GAS6: variants seen among roughly 807,000 people sequenced by gnomAD.
GAS6 encodes growth arrest-specific protein 6.
In GAS6, 41 loss-of-function variants were observed where a neutral mutation model predicts 75.8. The observed-to-expected ratio is 0.54, with a 90% CI of 0.42 to 0.70. The LOEUF (loss-of-function observed/expected upper bound fraction) is 0.70, where lower values mean the gene tolerates loss of function less well. GAS6 is among the 30% of genes least tolerant of loss of function. GAS6 has a pLI of 0.00. For synonymous variants in GAS6, 432 were observed against 412.6 expected (o/e 1.05, Z -0.57); for missense variants, 854 against 940.2 (o/e 0.91, Z 1.20).
In GAS6 at chr13:113,827,068, G is replaced by GCAT. The variant is rs2051559933; in HGVS notation, c.1402_1404dup (p.Met468dup). ...CCTCTCTCCGTCACCGAGAAGCACTGCATCCTCGTGTTCACTTTCACCGTT... is the reference window on the plus strand; with the variant it reads ...CCTCTCTCCGTCACCGAGAAGCACTGCATCATCCTCGTGTTCACTTTCACCGTT... On this transcript the variant is annotated inframe_insertion, in exon 12 of 15. Coordinates refer to ENST00000327773, the MANE Select transcript of GAS6 (RefSeq NM_000820.4). 6.2e-7 allele frequency: 1 copy of GCAT among 1,613,468 alleles called. No homozygotes were observed. The highest frequency in any genetic ancestry group is 1.3e-5 in the African/African-American group (1 of 74,924).
chr13:113,823,797 G>A (rs1213464824), intron 12 of GAS6, among the ~76,000 whole-genome samples: 1 of 152,222 alleles, frequency 6.6e-6, no homozygotes, highest in Admixed American at 6.5e-5. Flanking sequence ...TGCCCTGTAG[G>A]TGACCACCAG....
chr13:113,847,991 A>G, intron 3 of GAS6, 35 bp downstream of exon 3: 3 of 1,601,192 alleles, frequency 1.9e-6, no homozygotes, highest in Non-Finnish European at 2.6e-6. Flanking sequence ...CTATGCCTCT[A>G]CGACAACCAG....
chr13:113,853,311 G>C (rs2051890502), intron 2 of GAS6, among the ~76,000 whole-genome samples: 1 of 152,218 alleles, frequency 6.6e-6, no homozygotes, highest in African/African-American at 2.4e-5. Flanking sequence ...CTGCCTGGTG[G>C]TGAGGGGCAG....
At chr13:113,859,355 T>G (rs762854638) in intron 2 of GAS6, among the ~76,000 whole-genome samples, 10 of 151,670 alleles carry the variant, frequency 6.6e-5, no homozygotes, top group Non-Finnish European at 1.2e-4. Context: ...TACATGTCTG[T>G]GTGACTGTAT....
chr13:113,834,908 G>A (rs1042336544), intron 7 of GAS6: 7 of 411,186 alleles, frequency 1.7e-5, no homozygotes, highest in African/African-American at 1.4e-4. Flanking sequence ...GGTGTCCCAG[G>A]AGGGTGCTCC....
intron 8 of GAS6, among the ~76,000 whole-genome samples, chr13:113,834,017 GC>G (rs2051665993): frequency 6.8e-6 from 1 of 147,572 alleles, no homozygotes; most frequent in Admixed American, 7.0e-5. Context: ...AGTGTGACAG[GC>G]CCCGGTGTGA....
chr13:113,849,021 G>T lies in GAS6; in HGVS notation c.256-971C>A, dbSNP rs189528969. Among the ~76,000 whole-genome samples, 6 of 152,148 alleles carry T rather than the reference G, an allele frequency of 3.9e-5. No individual in the cohort carries two copies. The South Asian group carries it at 8.3e-4, about 21-fold the overall frequency. ...CTGGCTTCATGCGCTGGCTCTGCAT[G>T]GCCTTTCTGCCTCCTTCCCACCTCT... On this transcript the variant is annotated intron_variant, in intron 2 of 14. Transcript: ENST00000327773.
At chr13:113,834,491 C>G in intron 8 of GAS6, 60 bp downstream of exon 8, 1 of 1,423,668 alleles carries the variant, frequency 7.0e-7, no homozygotes, top group East Asian at 2.6e-5. Flanking sequence ...CCCGAAAGCC[C>G]CCACCGGCGA....
In GAS6 at chr13:113,839,397, TC is replaced by T. The variant is rs58225179; in HGVS notation, c.466+330del. On this transcript the variant is annotated intron_variant, in intron 5 of 14. Coordinates refer to ENST00000327773, the MANE Select transcript of GAS6 (RefSeq NM_000820.4). ...CTCAAGGACGGTCAGAGGTGAAATTTCCCCCCCGCCTTTCAATCAGTGGGTG... is the reference window on the plus strand; with the variant it reads ...CTCAAGGACGGTCAGAGGTGAAATTTCCCCCCGCCTTTCAATCAGTGGGTG... The T allele has an allele frequency of 5.2e-4, 112 of 216,802 alleles. 6 individuals carry two copies. The highest frequency in any genetic ancestry group is 4.1e-3 in the African/African-American group (100 of 24,356). The allele number at this position is 216,802 out of a possible 1,614,324, so 13.4% of individuals were successfully genotyped here.
At chr13:113,854,075 T>C (rs1229788106) in intron 2 of GAS6, among the ~76,000 whole-genome samples, 2 of 152,180 alleles carry the variant, frequency 1.3e-5, no homozygotes, top group African/African-American at 4.8e-5. Context: ...CATGCCCATC[T>C]GCACCCAGGG....
intron 8 of GAS6, 37 bp from the exon 9 acceptor site, chr13:113,832,789 G>A (rs1265610080): frequency 1.2e-6 from 2 of 1,611,396 alleles, no homozygotes; most frequent in Non-Finnish European, 1.7e-6. Flanking sequence ...CGGGGATGTG[G>A]CCTTCACTCC....
chr13:113,828,785 A>C, intron 10 of GAS6, 74 bp from the exon 11 acceptor site: 1 of 1,510,686 alleles, frequency 6.6e-7, no homozygotes, highest in African/African-American at 1.4e-5. Context: ...GAAAAACCAC[A>C]CTCATCCTCT....
chr13:113,822,079 G>C lies in GAS6; in HGVS notation c.1761C>G (p.Thr587=), dbSNP rs773443142. The C allele has an allele frequency of 1.1e-5, 17 of 1,594,738 alleles. No homozygotes were observed. The African/African-American group carries it at 2.0e-4, about 19-fold the overall frequency. The part of the protein sequence containing the change: ...VTVSLRDGEA[T]LEVDGTRGQS... ...GGCCCCTGGTGCCGTCCACCTCCAG[G>C]GTGGCCTCACCGTCCCTCAGCGAGA... is the stretch of plus-strand genomic sequence containing the variant. The change falls in exon 14 of 15, where the codon ACC becomes ACG. Residue 587 remains threonine, a synonymous_variant. Transcript: ENST00000327773.
Position 113,863,071 on chromosome 13 carries a change from GC to G in GAS6, c.255+503del, listed in dbSNP as rs2051985788. 1.3e-5 allele frequency among the ~76,000 whole-genome samples: 2 copies of G among 152,284 alleles called. No homozygotes were observed. Among genetic ancestry groups the G allele is most frequent in the South Asian group, 4.1e-4 (2 of 4,824 alleles). ...GCACCTGGCAGAACGGGGCCGCGGA[GC>G]CGCCCTCCCCTCCCGCATGCGGCCC... On this transcript the variant is annotated intron_variant, in intron 2 of 14. Coordinates refer to ENST00000327773, the MANE Select transcript of GAS6 (RefSeq NM_000820.4). This position sits in a 1 kb window ranked among gnomAD's most constrained non-coding sequence, Gnocchi z 9.4.
intron 2 of GAS6, among the ~76,000 whole-genome samples, chr13:113,850,983 C>A (rs7490435): frequency 0.11 from 17,272 of 150,882 alleles, 1,438 homozygotes; most frequent in African/African-American, 0.23. Context: ...GGGTGAATAA[C>A]CAGATGAATG....
chr13:113,838,755 C>T (rs2051744984), intron 5 of GAS6, among the ~76,000 whole-genome samples: 1 of 150,394 alleles, frequency 6.6e-6, no homozygotes, highest in Admixed American at 6.6e-5. Context: ...GGGTGCACAG[C>T]CCAGCACTGG....
At chr13:113,824,254 ACC>A (rs2051503684) in intron 12 of GAS6, among the ~76,000 whole-genome samples, 1 of 121,886 alleles carries the variant, frequency 8.2e-6, no homozygotes. Context: ...TGTCAGGAGC[ACC>A]CGCGGTCTGG....
rs1342907208 is a variant in GAS6 at position 113,863,398 on chromosome 13, T to A, written c.255+177A>T. Among the ~76,000 whole-genome samples the A allele has an allele frequency of 1.3e-5, 2 of 152,146 alleles. No individual in the cohort carries two copies. The highest frequency in any genetic ancestry group is 4.8e-5 in the African/African-American group (2 of 41,540). On this transcript the variant is annotated intron_variant, in intron 2 of 14. Coordinates refer to ENST00000327773, the MANE Select transcript of GAS6 (RefSeq NM_000820.4). The surrounding 1 kb of genome is among the most constrained non-coding windows in gnomAD (Gnocchi z 9.4). Reference sequence around the variant, plus strand: ...AGCGTCTCACCGGCCTGCGCGGGGATCCCGGGGTCGCCGGGGGATGGGCGT... The same window carrying A: ...AGCGTCTCACCGGCCTGCGCGGGGAACCCGGGGTCGCCGGGGGATGGGCGT...
At position 113,837,363 on chromosome 13, in the gene GAS6, G is replaced by C. The variant is rs922793442; in HGVS notation, c.589+706C>G. On this transcript the variant is annotated intron_variant, in intron 6 of 14. Coordinates refer to ENST00000327773, the MANE Select transcript of GAS6 (RefSeq NM_000820.4). The surrounding 1 kb of genome is among the most constrained non-coding windows in gnomAD (Gnocchi z 5.1). ...CTGAGCAACTGTCTGTCCTGTCCACGCAGTTCGGTGTCCTGGACAGTCAGC... is the reference window on the plus strand; with the variant it reads ...CTGAGCAACTGTCTGTCCTGTCCACCCAGTTCGGTGTCCTGGACAGTCAGC... Among the ~76,000 whole-genome samples, 4 of 152,068 alleles carry C rather than the reference G, an allele frequency of 2.6e-5. No homozygotes were observed. The highest frequency in any genetic ancestry group is 4.8e-5 in the African/African-American group (2 of 41,384).
Sources: allele counts gnomAD v4.1 joint callset (sites outside exome capture counted in the v4.1 genomes callset), GRCh38; gene constraint gnomAD v4.1.1; non-coding constraint Gnocchi (gnomAD v3.1); transcripts MANE v1.5; gene names NCBI Gene and HGNC (gene_info 2026-07-23, HGNC 2026-07-21).